The following FRMD8 variants were observed in gnomAD, a reference collection of about 807,000 sequenced individuals.
FRMD8 encodes the protein FERM domain containing 8, also known as FERM domain-containing protein 8.
FRMD8 carries 37 observed loss-of-function variants against 54.2 expected under a neutral mutation model. The observed-to-expected ratio is 0.68, with a 90% confidence interval of 0.53 to 0.90. The LOEUF (loss-of-function observed/expected upper bound fraction) is 0.90, where lower values mean the gene tolerates loss of function less well. Among genes scored for constraint, FRMD8 ranks in the 40% least tolerant of loss-of-function variants. The probability of loss-of-function intolerance (pLI) is 0.00; values close to 1 mark genes in which losing one functional copy is unlikely to be tolerated. For synonymous variants in FRMD8, 246 were observed against 286.9 expected (o/e 0.86, Z 1.44); for missense variants, 585 against 653.7 (o/e 0.89, Z 1.15).
intron 3 of FRMD8, among the ~76,000 whole-genome samples, chr11:65,391,556 G>A (rs1020504723): frequency 6.6e-6 from 1 of 151,968 alleles, no homozygotes; most frequent in African/African-American, 2.4e-5. Context: ...TGTTGCCCAG[G>A]TTGGAGTGCA....
chr11:65,401,058 C>T (rs372425983), intron 9 of FRMD8, among the ~76,000 whole-genome samples, 191 bp downstream of exon 9: 1 of 152,086 alleles, frequency 6.6e-6, no homozygotes, highest in Non-Finnish European at 1.5e-5. Context: ...GGTCAGGAGG[C>T]CTGGTCTGCA....
intron 3 of FRMD8, among the ~76,000 whole-genome samples, chr11:65,390,463 A>C (rs1023943616): frequency 6.6e-6 from 1 of 152,126 alleles, no homozygotes; most frequent in Non-Finnish European, 1.5e-5. Context: ...TTTAGGTCCA[A>C]GGGGCCCCCA....
At chr11:65,380,191 G>A in the FRMD8 span, 2 of 1,614,168 alleles carry the variant, frequency 1.2e-6, no homozygotes, top group South Asian at 1.1e-5. Context: ...GTGACAAGAG[G>A]GTGCTATGAG....
the FRMD8 span, chr11:65,376,568 GTC>G: frequency 6.2e-7 from 1 of 1,614,120 alleles, no homozygotes; most frequent in Admixed American, 1.7e-5. Context: ...TACACTCTGC[GTC>G]TCAGTCCATC....
chr11:65,393,679 G>GTGC lies in FRMD8; in HGVS notation c.355+12_355+14dup, dbSNP rs1855886938. The GTGC allele has an allele frequency of 6.2e-7, 1 of 1,600,214 alleles. No homozygotes were observed. Among genetic ancestry groups the GTGC allele is most frequent in the African/African-American group, 1.3e-5 (1 of 75,028 alleles). On this transcript the variant is annotated splice_donor_region_variant and intron_variant, in intron 4 of 10. Coordinates refer to ENST00000317568, the MANE Select transcript of FRMD8 (RefSeq NM_031904.5). ...CAGACGATGACGTGGCCATGGGTCAGTGCTGCTGCCTGTCTGTCCTTGCCT... is the reference window on the plus strand; with the variant it reads ...CAGACGATGACGTGGCCATGGGTCAGTGCTGCTGCTGCCTGTCTGTCCTTGCCT...
chr11:65,369,253 G>C, the FRMD8 span, among the ~76,000 whole-genome samples: 1 of 152,094 alleles, frequency 6.6e-6, no homozygotes, highest in Admixed American at 6.6e-5. Context: ...TGGCTGAACT[G>C]AGAGCTGAAG....
In FRMD8 at chr11:65,411,244, A is replaced by G. The variant is rs770083933; in HGVS notation, c.1279A>G (p.Lys427Glu). Residue 427 changes from lysine to glutamate, a missense_variant and splice_region_variant, in exon 11 of 11, where the codon AAG becomes GAG. Transcript: ENST00000317568. ...TGTGCCCTCCCATTCCCTCGCAGGC[A>G]AGGGGATCAGGCGAGTGAAGCCGAA... ...LSTIDYVEDG[K>E]GIRRVKPKRT... is the part of the protein sequence containing the mutation. 1 of 1,604,572 alleles carries G rather than the reference A, an allele frequency of 6.2e-7. No homozygotes were observed. The highest frequency in any genetic ancestry group is 1.1e-5 in the South Asian group (1 of 90,148).
At chr11:65,368,417 TC>T in the FRMD8 span, among the ~76,000 whole-genome samples, 2 of 151,716 alleles carry the variant, frequency 1.3e-5, no homozygotes, top group East Asian at 3.9e-4. Context: ...CGCTATGTTT[TC>T]CAGGCTGGTC....
intron 4 of FRMD8, 128 bp from the exon 5 acceptor site, chr11:65,393,913 C>A: frequency 1.0e-6 from 1 of 998,236 alleles, no homozygotes; most frequent in Non-Finnish European, 1.5e-6. Flanking sequence ...ACACTCCACC[C>A]TCTGCACGGC....
intron 3 of FRMD8, 86 bp from the exon 4 acceptor site, chr11:65,393,487 C>T (rs895895914): frequency 6.2e-6 from 6 of 973,816 alleles, no homozygotes; most frequent in Admixed American, 1.8e-5. Flanking sequence ...TTGCGACTGT[C>T]GTCATGCTGT....
In FRMD8 at chr11:65,394,412, G is replaced by T; in HGVS notation, c.568G>T (p.Ala190Ser). Residue 190 changes from alanine to serine, a missense_variant, in exon 6 of 11, where the codon GCC becomes TCC. Transcript: ENST00000317568. ...LGPYQPGRPA[A>S]CDLREKLDSF... is the part of the protein sequence containing the mutation. ...GCCCTACCAGCCCGGCCGGCCGGCA[G>T]CCTGCGACCTGAGGTGAGGGCCTGT... 1 of 1,568,548 alleles carries T rather than the reference G, an allele frequency of 6.4e-7. No homozygotes were observed. Among genetic ancestry groups the T allele is most frequent in the Non-Finnish European group, 8.6e-7 (1 of 1,159,580 alleles).
intron 10 of FRMD8, among the ~76,000 whole-genome samples, chr11:65,410,706 T>C (rs1409055808): frequency 6.6e-6 from 1 of 151,654 alleles, no homozygotes; most frequent in Admixed American, 6.6e-5. Flanking sequence ...AGGAGAATGG[T>C]GTGAACCTGG....
chr11:65,376,518 C>G, the FRMD8 span: 2 of 1,614,220 alleles, frequency 1.2e-6, no homozygotes, highest in Non-Finnish European at 1.7e-6. Flanking sequence ...CCAGTCCTTC[C>G]TGCCGGATGC....
the FRMD8 span, chr11:65,380,496 G>A: frequency 1.5e-6 from 2 of 1,370,160 alleles, no homozygotes; most frequent in South Asian, 1.2e-5. Context: ...CACCGCCTAT[G>A]AGCCGCGGGA....
At chr11:65,405,816 C>T (rs2137931060) in intron 10 of FRMD8, among the ~76,000 whole-genome samples, 1 of 152,024 alleles carries the variant, frequency 6.6e-6, no homozygotes, top group South Asian at 2.1e-4. Context: ...GCCTGGACAA[C>T]AGAGTGAGAC....
chr11:65,406,559 T>A (rs1412486191), intron 10 of FRMD8, among the ~76,000 whole-genome samples: 2 of 149,196 alleles, frequency 1.3e-5, no homozygotes, highest in African/African-American at 5.0e-5. Flanking sequence ...CAATTTCCTG[T>A]CCTCGTGATC....
chr11:65,384,313 G>T (rs1209612782), upstream of FRMD8, among the ~76,000 whole-genome samples: 3 of 151,830 alleles, frequency 2.0e-5, no homozygotes, highest in African/African-American at 7.3e-5. Flanking sequence ...TCTTTCCTGG[G>T]GTCCTAACCA....
intron 10 of FRMD8, among the ~76,000 whole-genome samples, chr11:65,406,221 T>G (rs1372347893): frequency 2.9e-5 from 4 of 138,708 alleles, no homozygotes; most frequent in Admixed American, 2.2e-4. Flanking sequence ...TGAGACAGAG[T>G]CTCACTCTGT....
intron 9 of FRMD8, among the ~76,000 whole-genome samples, chr11:65,401,307 G>A (rs1590656625): frequency 8.5e-6 from 1 of 117,486 alleles, no homozygotes; most frequent in Admixed American, 8.7e-5. Flanking sequence ...TTCTACCCCA[G>A]CCTCCCTCCC....
Sources: allele counts gnomAD v4.1 joint callset (sites outside exome capture counted in the v4.1 genomes callset), GRCh38; gene constraint gnomAD v4.1.1; transcripts MANE v1.5; gene names NCBI Gene and HGNC (gene_info 2026-07-23, HGNC 2026-07-21).